SYT2: variants seen among roughly 807,000 people sequenced by gnomAD.
SYT2 encodes the protein synaptotagmin 2.
A neutral mutation model predicts 39.9 loss-of-function variants in SYT2; 15 were observed. That is an observed-to-expected ratio of 0.38 (90% CI 0.25 to 0.58). The LOEUF is 0.58. Among genes scored for constraint, SYT2 ranks in the 20% least tolerant of loss-of-function variants. The pLI is 0.70. For missense variants in SYT2, 389 were observed against 530.3 expected, an observed-to-expected ratio of 0.73 and a Z score of 2.62; for synonymous variants, 181 against 204.5, an observed-to-expected ratio of 0.89 and a Z score of 0.98.
At chr1:202,655,385 T>G (rs898912167) in intron 1 of SYT2, among the ~76,000 whole-genome samples, 4 of 152,194 alleles carry the variant, frequency 2.6e-5, no homozygotes, top group East Asian at 3.8e-4. Context: ...TGTTGTTGTT[T>G]TTTTAAATCT....
intron 5 of SYT2, 133 bp from the exon 6 acceptor site, chr1:202,602,190 T>C (rs1454998769): frequency 2.0e-6 from 1 of 500,856 alleles, no homozygotes; most frequent in African/African-American, 2.2e-5. Context: ...CCAAGGCTTT[T>C]GGGGAGCAGA....
At chr1:202,608,927 G>A (rs1237215090) in intron 1 of SYT2, among the ~76,000 whole-genome samples, 2 of 152,110 alleles carry the variant, frequency 1.3e-5, no homozygotes, top group Admixed American at 6.5e-5. Context: ...TGCACAATGT[G>A]CAGGTTAGTT....
At chr1:202,611,035 GACA>G (rs1432333511) in intron 1 of SYT2, among the ~76,000 whole-genome samples, 2 of 152,114 alleles carry the variant, frequency 1.3e-5, no homozygotes, top group Admixed American at 6.6e-5. Context: ...AAGCCAAAAG[GACA>G]ACACTTGTTA....
At chr1:202,603,213 T>G (rs999457539) in intron 3 of SYT2, 95 bp from the exon 4 acceptor site, 4 of 1,508,818 alleles carry the variant, frequency 2.7e-6, no homozygotes, top group Non-Finnish European at 3.6e-6. Context: ...CCCTCTGTGG[T>G]AGACCCTGAC....
chr1:202,657,252 C>CA (rs1692293292), intron 1 of SYT2, among the ~76,000 whole-genome samples: 2 of 152,342 alleles, frequency 1.3e-5, no homozygotes, highest in South Asian at 4.1e-4. Context: ...CACACCCACA[C>CA]AAGAGCCACG....
rs572825915 is a variant in SYT2, at chr1:202,596,494, G to A, written c.*263C>T. On this transcript the variant is annotated 3_prime_UTR_variant, in exon 9 of 9. Transcript: ENST00000367268. ...ATGTGAAGCTTTGAAAGAGTCGAGG[G>A]AACTGTGACAGGGCATGCAGCAAGG... is the stretch of plus-strand genomic sequence containing the variant. 14 of 376,668 alleles carry A rather than the reference G, an allele frequency of 3.7e-5. No individual in the cohort carries two copies. The highest frequency in any genetic ancestry group is 6.7e-5 in the Non-Finnish European group (14 of 208,672). The allele number at this position is 376,668 out of a possible 1,614,324, so 23.3% of individuals were successfully genotyped here. A position where few individuals can be genotyped will look rare whatever the true frequency, so the allele number is the denominator to read the frequency against.
chr1:202,650,438 TTG>T lies in SYT2; in HGVS notation c.-17-44651_-17-44650del, dbSNP rs1213790753. Among the ~76,000 whole-genome samples, 1,408 of 149,900 alleles carry T rather than the reference TTG, an allele frequency of 9.4e-3. 30 individuals are homozygous for T. The highest frequency in any genetic ancestry group is 0.032 in the African/African-American group (1,272 of 40,280). On this transcript the variant is annotated intron_variant, in intron 1 of 8. Transcript: ENST00000367268. ...TGCCAAACATTTGTTTCATATGCTTTTGTTTTTTTTTTTTTGAGACATAGTTT... is the reference window on the plus strand; with the variant it reads ...TGCCAAACATTTGTTTCATATGCTTTTTTTTTTTTTTTTGAGACATAGTTT...
intron 1 of SYT2, among the ~76,000 whole-genome samples, chr1:202,655,166 G>GACTT (rs1321662842): frequency 1.3e-5 from 2 of 152,130 alleles, no homozygotes; most frequent in Non-Finnish European, 2.9e-5. Context: ...TGAGCAAGTG[G>GACTT]GCTTAGAGGA....
At chr1:202,663,332 C>T (rs948633776) in intron 1 of SYT2, among the ~76,000 whole-genome samples, 6 of 152,122 alleles carry the variant, frequency 3.9e-5, no homozygotes, top group African/African-American at 1.2e-4. Flanking sequence ...GTTGCCATGC[C>T]GACAGTTCAG....
At chr1:202,682,810 C>A (rs779173906) in intron 1 of SYT2, among the ~76,000 whole-genome samples, 41 of 152,260 alleles carry the variant, frequency 2.7e-4, no homozygotes, top group Middle Eastern at 6.8e-3. Context: ...CAATTAGCTA[C>A]AAACCCAGCC....
chr1:202,628,087 G>A lies in SYT2; in HGVS notation c.-17-22298C>T, dbSNP rs1253924763. 6.6e-6 allele frequency among the ~76,000 whole-genome samples: 1 copy of A among 152,234 alleles called. No individual in the cohort carries two copies. The highest frequency in any genetic ancestry group is 2.4e-5 in the African/African-American group (1 of 41,462). ...GATCACAAAGGCACCGGGCTCAGAG[G>A]TGGGTGCCGGGGGCAGGGAGGGAGA... On this transcript the variant is annotated intron_variant, in intron 1 of 8. Coordinates refer to ENST00000367268, the MANE Select transcript of SYT2 (RefSeq NM_177402.5). The surrounding 1 kb of genome is among the most constrained non-coding windows in gnomAD (Gnocchi z 4.2).
At chr1:202,702,674 CT>C (rs1654149578) in intron 1 of SYT2, among the ~76,000 whole-genome samples, 1 of 152,200 alleles carries the variant, frequency 6.6e-6, no homozygotes, top group African/African-American at 2.4e-5. Flanking sequence ...TCTCCTCCTG[CT>C]TGCAGGCCTC....
intron 1 of SYT2, among the ~76,000 whole-genome samples, chr1:202,690,172 T>A (rs575752790): frequency 7.2e-5 from 11 of 152,142 alleles, no homozygotes; most frequent in African/African-American, 1.4e-4. Context: ...CCACCCACGG[T>A]CCTACTGAGC....
At chr1:202,694,441 T>C (rs1384528659) in intron 1 of SYT2, among the ~76,000 whole-genome samples, 3 of 152,198 alleles carry the variant, frequency 2.0e-5, no homozygotes, top group Non-Finnish European at 2.9e-5. Flanking sequence ...GAGGCTGTTT[T>C]AGTAGGCGAT....
intron 1 of SYT2, among the ~76,000 whole-genome samples, chr1:202,642,243 C>T (rs1691935376): frequency 1.3e-5 from 2 of 152,292 alleles, no homozygotes; most frequent in Non-Finnish European, 1.5e-5. Flanking sequence ...TCCACTTTGA[C>T]ACCCCCTGCC....
chr1:202,625,885 A>C (rs1220518673), intron 1 of SYT2, among the ~76,000 whole-genome samples: 2 of 152,196 alleles, frequency 1.3e-5, no homozygotes, highest in Non-Finnish European at 2.9e-5. Flanking sequence ...CCCAGCTGAA[A>C]TGGGTGACAG....
Position 202,621,119 on chromosome 1 carries a change from G to A in SYT2, c.-17-15330C>T, listed in dbSNP as rs149381251. On this transcript the variant is annotated intron_variant, in intron 1 of 8. Transcript: ENST00000367268. ...TTAGTTGTAGTTGCTTCTGGGGAGC[G>A]GAGTTGGGAAAGGAGGAGCTGGAAA... 4.1e-4 allele frequency among the ~76,000 whole-genome samples: 63 copies of A among 152,224 alleles called. 1 individual carries two copies. The East Asian group carries it at 0.011, about 27-fold the overall frequency.
chr1:202,654,638 C>T lies in SYT2; in HGVS notation c.-17-48849G>A, dbSNP rs538859821. ...GAGAGGTGACACTGATCATTGACCCCTGCCCCCGCCCAACACACACACACA... is the reference window on the plus strand; with the variant it reads ...GAGAGGTGACACTGATCATTGACCCTTGCCCCCGCCCAACACACACACACA... On this transcript the variant is annotated intron_variant, in intron 1 of 8. Coordinates refer to ENST00000367268, the MANE Select transcript of SYT2 (RefSeq NM_177402.5). 1.5e-3 allele frequency among the ~76,000 whole-genome samples: 224 copies of T among 152,314 alleles called. 1 individual carries two copies. The highest frequency in any genetic ancestry group is 5.0e-3 in the African/African-American group (208 of 41,550).
chr1:202,650,767 A>T (rs1211475459), intron 1 of SYT2, among the ~76,000 whole-genome samples: 1 of 152,218 alleles, frequency 6.6e-6, no homozygotes, highest in Non-Finnish European at 1.5e-5. Context: ...CAGTGTGCAC[A>T]AAAGACCGTG....
Sources: allele counts gnomAD v4.1 joint callset (sites outside exome capture counted in the v4.1 genomes callset), GRCh38; gene constraint gnomAD v4.1.1; non-coding constraint Gnocchi (gnomAD v3.1); transcripts MANE v1.5; gene names NCBI Gene and HGNC (gene_info 2026-07-23, HGNC 2026-07-21).